Variants in GDAP1 observed in about 807,000 individuals in gnomAD.
GDAP1 encodes the protein ganglioside induced differentiation associated protein 1, also known as ganglioside-induced differentiation-associated protein 1.
In GDAP1, 34 loss-of-function variants were observed where a neutral mutation model predicts 40.1. The observed-to-expected ratio is 0.85, with a 90% CI of 0.64 to 1.13. The LOEUF (loss-of-function observed/expected upper bound fraction) is 1.13, where lower values mean the gene tolerates loss of function less well. GDAP1 is among the 50% of genes most tolerant of loss of function. GDAP1 has a pLI of 0.00. For missense variants in GDAP1, 374 were observed against 433.7 expected, an observed-to-expected ratio of 0.86 and a Z score of 1.22; for synonymous variants, 170 against 157.4, an observed-to-expected ratio of 1.08 and a Z score of -0.60.
intron 2 of GDAP1, among the ~76,000 whole-genome samples, chr8:74,373,190 T>C (rs1272341165): frequency 6.6e-6 from 1 of 152,182 alleles, no homozygotes; most frequent in Non-Finnish European, 1.5e-5. Context: ...TCAGGTAGCA[T>C]GATGCCTCCA....
downstream of GDAP1, among the ~76,000 whole-genome samples, chr8:74,370,294 T>A (rs918483676): frequency 6.6e-6 from 1 of 152,190 alleles, no homozygotes; most frequent in Non-Finnish European, 1.5e-5. Context: ...GAAGTAAATA[T>A]ATGAAAAACA....
intron 2 of GDAP1, among the ~76,000 whole-genome samples, chr8:74,468,851 G>A (rs1344307076): frequency 6.6e-6 from 1 of 152,018 alleles, no homozygotes; most frequent in African/African-American, 2.4e-5. Context: ...ATCATAGTAG[G>A]CATAGTGATC....
At position 74,400,318 on chromosome 8, in the gene GDAP1, C is replaced by T. The variant is rs1407803485; in HGVS notation, c.165+48997C>T. On this transcript the variant is annotated intron_variant, in intron 2 of 2. Transcript: ENST00000523640. ...ACCGTTATGTAATGGCCTTCTTTGT[C>T]TCTTTCGATCTTTGTTGGATTAAAG... Among the ~76,000 whole-genome samples, 3 of 149,920 alleles carry T rather than the reference C, an allele frequency of 2.0e-5. 1 individual carries two copies. The highest frequency in any genetic ancestry group is 7.6e-5 in the African/African-American group (3 of 39,268).
chr8:74,353,633 A>G (rs1006924345), intron 2 of GDAP1, among the ~76,000 whole-genome samples: 15 of 152,180 alleles, frequency 9.9e-5, no homozygotes, highest in Non-Finnish European at 1.8e-4. Context: ...CTTGCTACTA[A>G]TTGTATGTTC....
chr8:74,382,255 T>C (rs930495343), intron 2 of GDAP1, among the ~76,000 whole-genome samples: 1 of 152,146 alleles, frequency 6.6e-6, no homozygotes, highest in Non-Finnish European at 1.5e-5. Flanking sequence ...ATTTCTGGTA[T>C]GTTAAGGTAC....
At position 74,479,420 on chromosome 8, in the gene GDAP1, C is replaced by A. The variant is rs1039618352; in HGVS notation, c.166-9258C>A. On this transcript the variant is annotated intron_variant, in intron 2 of 2. Transcript: ENST00000523640. ...TGGACTGAGAAGTGGAAATTAAAAT[C>A]TCCTAATTATAAAAGTGTTTCTATT... Among the ~76,000 whole-genome samples, 7 of 152,130 alleles carry A rather than the reference C, an allele frequency of 4.6e-5. No homozygotes were observed. The South Asian group carries it at 1.4e-3, about 31-fold the overall frequency.
intron 2 of GDAP1, among the ~76,000 whole-genome samples, chr8:74,487,255 AT>A (rs1428755121): frequency 2.0e-5 from 3 of 152,168 alleles, no homozygotes; most frequent in African/African-American, 7.2e-5. Context: ...GAAGGAAACC[AT>A]TTCAACAAAA....
At chr8:74,419,617 G>C (rs1002482899) in intron 2 of GDAP1, among the ~76,000 whole-genome samples, 5 of 152,056 alleles carry the variant, frequency 3.3e-5, no homozygotes, top group Non-Finnish European at 4.4e-5. Flanking sequence ...CACCCTGTAG[G>C]TTGCCTTTTC....
At chr8:74,444,348 G>T (rs1806204251) in intron 2 of GDAP1, among the ~76,000 whole-genome samples, 1 of 151,940 alleles carries the variant, frequency 6.6e-6, no homozygotes, top group African/African-American at 2.4e-5. Context: ...TTCAGTCTTT[G>T]CATAAAATTG....
chr8:74,401,415 A>G (rs917226386), intron 2 of GDAP1, among the ~76,000 whole-genome samples: 1 of 149,568 alleles, frequency 6.7e-6, no homozygotes, highest in African/African-American at 2.6e-5. Flanking sequence ...AGCTCCTTTA[A>G]GCACTTCTCT....
intron 2 of GDAP1, among the ~76,000 whole-genome samples, chr8:74,351,833 C>T (rs1459348905): frequency 6.6e-6 from 1 of 152,044 alleles, no homozygotes; most frequent in Non-Finnish European, 1.5e-5. Flanking sequence ...AATGGTTTCA[C>T]CTTAAAAACA....
chr8:74,416,178 G>A (rs62523877), intron 2 of GDAP1, among the ~76,000 whole-genome samples: 6,160 of 149,990 alleles, frequency 0.041, 233 homozygotes, highest in Non-Finnish European at 0.064. Flanking sequence ...TACTTATTGT[G>A]CCATATGTGG....
At chr8:74,363,203 A>G (rs1809460321) in intron 5 of GDAP1, 150 bp downstream of exon 5, 1 of 589,662 alleles carries the variant, frequency 1.7e-6, no homozygotes, top group Admixed American at 3.0e-5. Flanking sequence ...ATGATATTGC[A>G]CCCAGAAAAA....
rs536885924 is a variant in GDAP1, at chr8:74,396,328, T to A, written c.165+45007T>A. Among the ~76,000 whole-genome samples, 6 of 151,916 alleles carry A rather than the reference T, an allele frequency of 3.9e-5. No homozygotes were observed. The East Asian group carries it at 5.8e-4, about 15-fold the overall frequency. On this transcript the variant is annotated intron_variant, in intron 2 of 2. Coordinates refer to the GDAP1 transcript ENST00000523640. ...AGCTTTTATTTTTATTTATTTATTT[T>A]TTTTACAGTTCTTCCTTCCTTTTAT...
Position 74,487,997 on chromosome 8 carries a change from C to A in GDAP1, c.166-681C>A, listed in dbSNP as rs1282467170. Among the ~76,000 whole-genome samples the A allele has an allele frequency of 3.9e-4, 60 of 152,170 alleles. 1 individual carries two copies. Among genetic ancestry groups the A allele is most frequent in the Admixed American group, 3.9e-3 (60 of 15,268 alleles). Reference sequence around the variant, plus strand: ...TCAACAGACTTGTTCATATGCCATTCCACACTCATGCCATTCTCTTCTCAG... The same window carrying A: ...TCAACAGACTTGTTCATATGCCATTACACACTCATGCCATTCTCTTCTCAG... On this transcript the variant is annotated intron_variant, in intron 2 of 2. Coordinates refer to the GDAP1 transcript ENST00000523640.
chr8:74,432,444 A>G (rs1413691697), intron 2 of GDAP1, among the ~76,000 whole-genome samples: 1 of 152,156 alleles, frequency 6.6e-6, no homozygotes, highest in African/African-American at 2.4e-5. Context: ...AACTCTGTAT[A>G]AGCTTCCCAG....
At chr8:74,386,477 C>G (rs572880418) in intron 2 of GDAP1, among the ~76,000 whole-genome samples, 2 of 152,198 alleles carry the variant, frequency 1.3e-5, no homozygotes, top group East Asian at 3.9e-4. Flanking sequence ...TCAGGTTTGT[C>G]AAAAATCAGA....
intron 1 of GDAP1, 94 bp from the exon 2 acceptor site, chr8:74,351,180 C>T: frequency 1.0e-6 from 1 of 971,532 alleles, no homozygotes; most frequent in Non-Finnish European, 1.7e-6. Context: ...GTCGGTAACA[C>T]AGGGAAGCCC....
intron 2 of GDAP1, among the ~76,000 whole-genome samples, chr8:74,395,529 G>C (rs933116369): frequency 2.0e-5 from 3 of 152,166 alleles, no homozygotes; most frequent in African/African-American, 7.2e-5. Flanking sequence ...CTAAGTTGCT[G>C]TGAGTATGCA....
Sources: gnomAD v4.1 joint callset for allele counts (sites outside exome capture counted in the v4.1 genomes callset) on GRCh38, gnomAD v4.1.1 for gene constraint, MANE v1.5 for transcripts, NCBI Gene and HGNC (gene_info 2026-07-23, HGNC 2026-07-21) for gene names.